The following SAP30 variants were observed in gnomAD, a reference collection of about 807,000 sequenced individuals.
The protein encoded by SAP30 is histone deacetylase complex subunit SAP30.
Under a neutral mutation model 19.6 loss-of-function variants are expected in SAP30, and 13 were observed. The ratio of observed to expected loss-of-function variants is 0.66; its 90% CI spans 0.43 to 1.05. The LOEUF is 1.05. SAP30 is among the 50% of genes least tolerant of loss of function. The pLI is 0.00. For missense variants in SAP30, 257 were observed against 292.1 expected (o/e 0.88, Z 0.88); for synonymous variants, 108 against 122.7 (o/e 0.88, Z 0.79).
Position 173,371,482 on chromosome 4 carries a change from C to G in SAP30, c.300C>G (p.Ile100Met). The change falls in exon 1 of 4, where the codon ATC becomes ATG. Residue 100 changes from isoleucine (I) to methionine (M), a missense_variant. Ile to Met is a conservative substitution (Grantham distance 10, BLOSUM62 1). Transcript: ENST00000296504. This position sits in a 1 kb window ranked among gnomAD's most constrained non-coding sequence, Gnocchi z 6.4. ...QKSISQKKVKIELDKSARHLY... is the reference protein window; with the variant it reads ...QKSISQKKVKMELDKSARHLY... ...GCATCTCCCAGAAGAAGGTGAAGAT[C>G]GAGCTGGATAAGAGCGTAAGTAAAC... 1 of 1,587,240 alleles carries G rather than the reference C, an allele frequency of 6.3e-7. No individual in the cohort carries two copies. Among genetic ancestry groups the G allele is most frequent in the Non-Finnish European group, 8.5e-7 (1 of 1,172,678 alleles).
rs1246792526 is a variant in SAP30, at chr4:173,373,448, G to A, written c.374G>A (p.Arg125Lys). ...HKNLIQSVRN[R>K]RKRKGSDDDG... is the part of the protein sequence containing the mutation. ...AACTTAATTCAGAGTGTTCGAAACA[G>A]AAGAAAGAGAAAAGGGAGTGATGAT... Residue 125 changes from arginine to lysine, a missense_variant, in exon 2 of 4, where the codon AGA (arginine) becomes AAA (lysine). Transcript: ENST00000296504. 2.5e-6 allele frequency: 4 copies of A among 1,612,862 alleles called. No homozygotes were observed. The highest frequency in any genetic ancestry group is 2.2e-5 in the East Asian group (1 of 44,812).
At chr4:173,376,278 A>C (rs1454335305) in intron 3 of SAP30, among the ~76,000 whole-genome samples, 4 of 152,238 alleles carry the variant, frequency 2.6e-5, no homozygotes, top group Non-Finnish European at 5.9e-5. Context: ...AAAGCAAGGA[A>C]GCAGGTAAAC....
At chr4:173,375,946 T>C (rs181750988) in intron 3 of SAP30, among the ~76,000 whole-genome samples, 4 of 152,290 alleles carry the variant, frequency 2.6e-5, no homozygotes, top group African/African-American at 9.6e-5. Flanking sequence ...GGGATCTAGA[T>C]TGTATGCTTG....
At position 173,371,074 on chromosome 4, in the gene SAP30, GCTGT is replaced by G. The variant is rs927313651; in HGVS notation, c.-106_-103del. ...GGGACAGTTGGTGTTTGGCCGTGCCGCTGTCTAACTTGGTGTGCAGAGTGAATTG... is the reference window on the plus strand; with the variant it reads ...GGGACAGTTGGTGTTTGGCCGTGCCGCTAACTTGGTGTGCAGAGTGAATTG... On this transcript the variant is annotated 5_prime_UTR_variant, in exon 1 of 4. Coordinates refer to ENST00000296504, the MANE Select transcript of SAP30 (RefSeq NM_003864.4). The surrounding 1 kb of genome is among the most constrained non-coding windows in gnomAD (Gnocchi z 6.4). The G allele has an allele frequency of 2.3e-4, 283 of 1,248,208 alleles. 1 individual carries two copies. The highest frequency in any genetic ancestry group is 2.2e-3 in the Middle Eastern group (7 of 3,120). The allele number at this position is 1,248,208 out of a possible 1,614,324, so 77.3% of individuals were successfully genotyped here. A position where few individuals can be genotyped will look rare whatever the true frequency, so the allele number is the denominator to read the frequency against.
In SAP30 at chr4:173,371,073, C is replaced by A; in HGVS notation, c.-110C>A. On this transcript the variant is annotated 5_prime_UTR_variant, in exon 1 of 4. Coordinates refer to ENST00000296504, the MANE Select transcript of SAP30 (RefSeq NM_003864.4). This position sits in a 1 kb window ranked among gnomAD's most constrained non-coding sequence, Gnocchi z 6.4. Reference sequence around the variant, plus strand: ...CGGGACAGTTGGTGTTTGGCCGTGCCGCTGTCTAACTTGGTGTGCAGAGTG... The same window carrying A: ...CGGGACAGTTGGTGTTTGGCCGTGCAGCTGTCTAACTTGGTGTGCAGAGTG... 8.0e-7 allele frequency: 1 copy of A among 1,245,730 alleles called. No homozygotes were observed. Among genetic ancestry groups the A allele is most frequent in the Non-Finnish European group, 1.0e-6 (1 of 961,710 alleles). 77.2% of individuals were successfully genotyped at this position (1,245,730 alleles called of 1,614,324 possible). A position where few individuals can be genotyped will look rare whatever the true frequency, so the allele number is the denominator to read the frequency against.
Position 173,371,195 on chromosome 4 carries a change from A to T in SAP30, c.13A>T (p.Thr5Ser). Reference protein sequence around the residue: MNGFTPDEMSRGGDA... With the variant: MNGFSPDEMSRGGDA... ...GGAGCTCGGAGACATGAACGGCTTC[A>T]CGCCTGACGAGATGAGCCGCGGCGG... The change falls in exon 1 of 4, where the codon ACG (threonine) becomes TCG (serine). Residue 5 changes from threonine to serine, a missense_variant. By Grantham distance (58) the Thr-to-Ser change is moderately conservative (BLOSUM62 1). Transcript: ENST00000296504. The surrounding 1 kb of genome is among the most constrained non-coding windows in gnomAD (Gnocchi z 6.4). 6.8e-7 allele frequency: 1 copy of T among 1,469,454 alleles called. No homozygotes were observed. The highest frequency in any genetic ancestry group is 2.5e-4 in the Middle Eastern group (1 of 3,992). 91.0% of individuals were successfully genotyped at this position (1,469,454 alleles called of 1,614,324 possible).
intron 3 of SAP30, among the ~76,000 whole-genome samples, chr4:173,375,340 TA>T (rs1220136503): frequency 6.6e-6 from 1 of 152,186 alleles, no homozygotes; most frequent in Non-Finnish European, 1.5e-5. Flanking sequence ...ATATATTAAC[TA>T]TTTAGCTAAA....
intron 1 of SAP30, among the ~76,000 whole-genome samples, chr4:173,372,893 C>T (rs949864705): frequency 4.6e-5 from 7 of 152,248 alleles, no homozygotes; most frequent in African/African-American, 1.7e-4. Context: ...AGTGATTCTC[C>T]TGCCATAGCC....
chr4:173,373,746 A>C (rs113792049), intron 2 of SAP30, among the ~76,000 whole-genome samples, 193 bp from the exon 3 acceptor site: 2,851 of 152,148 alleles, frequency 0.019, 88 homozygotes, highest in African/African-American at 0.065. Context: ...TTTTGACCTC[A>C]GTTTATATTA....
intron 1 of SAP30, among the ~76,000 whole-genome samples, chr4:173,372,926 G>A (rs1235826956): frequency 6.6e-6 from 1 of 152,162 alleles, no homozygotes; most frequent in Non-Finnish European, 1.5e-5. Context: ...GGGATTACAG[G>A]CTACTGCCAC....
At position 173,371,515 on chromosome 4, in the gene SAP30, C is replaced by A; in HGVS notation, c.315+18C>A. ...ATAAGAGCGTAAGTAAACCGCGGGA[C>A]CGCCCTGCCCTCCCGCCCCTCGGTG... is the stretch of plus-strand genomic sequence containing the variant. On this transcript the variant is annotated intron_variant, in intron 1 of 3. Coordinates refer to ENST00000296504, the MANE Select transcript of SAP30 (RefSeq NM_003864.4). The surrounding 1 kb of genome is among the most constrained non-coding windows in gnomAD (Gnocchi z 6.4). The A allele has an allele frequency of 6.3e-7, 1 of 1,576,830 alleles. No individual in the cohort carries two copies. The highest frequency in any genetic ancestry group is 8.6e-7 in the Non-Finnish European group (1 of 1,165,940).
intron 3 of SAP30, 102 bp downstream of exon 3, chr4:173,374,139 TAGAA>T (rs1011477645): frequency 2.7e-5 from 15 of 561,778 alleles, no homozygotes; most frequent in African/African-American, 1.9e-4. Flanking sequence ...ACATTTTAAT[TAGAA>T]AGAACAAAGT....
chr4:173,376,968 C>T (rs988991666), intron 3 of SAP30, among the ~76,000 whole-genome samples: 2 of 152,064 alleles, frequency 1.3e-5, no homozygotes, highest in African/African-American at 4.8e-5. Context: ...ATTTTCTAAT[C>T]AATGTATATT....
At chr4:173,373,639 A>G (rs1738988966) in intron 2 of SAP30, 124 bp downstream of exon 2, 1 of 993,092 alleles carries the variant, frequency 1.0e-6, no homozygotes, top group Non-Finnish European at 1.4e-6. Context: ...TGAAAGCAAA[A>G]TTAAATATAG....
chr4:173,374,792 T>C (rs947036964), intron 3 of SAP30, among the ~76,000 whole-genome samples: 1 of 152,106 alleles, frequency 6.6e-6, no homozygotes, highest in African/African-American at 2.4e-5. Context: ...TTTGCTGACT[T>C]AACTATTTCA....
In SAP30 at chr4:173,373,398, T is replaced by A; in HGVS notation, c.324T>A (p.His108Gln). The change falls in exon 2 of 4, where the codon CAT becomes CAA. Residue 108 changes from histidine (H) to glutamine (Q), a missense_variant. Coordinates refer to ENST00000296504, the MANE Select transcript of SAP30 (RefSeq NM_003864.4). Reference sequence around the variant, plus strand: ...AAACTTTTCTGTTTCAGGCAAGGCATCTTTACATATGTGATTATCATAAAA... The same window carrying A: ...AAACTTTTCTGTTTCAGGCAAGGCAACTTTACATATGTGATTATCATAAAA... Reference protein sequence around the residue: ...VKIELDKSARHLYICDYHKNL... With the variant: ...VKIELDKSARQLYICDYHKNL... The A allele has an allele frequency of 6.2e-7, 1 of 1,600,968 alleles. No homozygotes were observed. Among genetic ancestry groups the A allele is most frequent in the South Asian group, 1.1e-5 (1 of 89,076 alleles).
Position 173,371,170 on chromosome 4 carries a change from G to A in SAP30, c.-13G>A. On this transcript the variant is annotated 5_prime_UTR_variant, in exon 1 of 4. Transcript: ENST00000296504. This position sits in a 1 kb window ranked among gnomAD's most constrained non-coding sequence, Gnocchi z 6.4. ...GGGATTTCTGTCAGCGCCGGCCTCGGGAGCTCGGAGACATGAACGGCTTCA... is the reference window on the plus strand; with the variant it reads ...GGGATTTCTGTCAGCGCCGGCCTCGAGAGCTCGGAGACATGAACGGCTTCA... The A allele has an allele frequency of 1.3e-6, 2 of 1,490,254 alleles. No individual in the cohort carries two copies. Among genetic ancestry groups the A allele is most frequent in the Non-Finnish European group, 1.8e-6 (2 of 1,127,850 alleles). The allele number at this position is 1,490,254 out of a possible 1,614,324, so 92.3% of individuals were successfully genotyped here.
intron 3 of SAP30, among the ~76,000 whole-genome samples, chr4:173,374,246 G>A (rs1282282718): frequency 6.6e-6 from 1 of 152,168 alleles, no homozygotes; most frequent in Non-Finnish European, 1.5e-5. Flanking sequence ...AGTAGATTGT[G>A]TACAGCACCT....
rs192989354 is a variant in SAP30, at chr4:173,373,959, A to G, written c.462A>G (p.Gln154=). 5.7e-6 allele frequency: 9 copies of G among 1,575,784 alleles called. No individual in the cohort carries two copies. Among genetic ancestry groups the G allele is most frequent in the Non-Finnish European group, 6.0e-6 (7 of 1,158,410 alleles). The stretch of plus-strand genomic sequence containing the variant: ...TCTAGGTTGATTTATACCAATTACA[A>G]GTAAATACACTTAGGAGATACAAAA... ...DTPEVDLYQL[Q]VNTLRRYKRH... is the part of the protein sequence containing the mutation. Residue 154 remains glutamine (Q), a synonymous_variant, in exon 3 of 4, where the codon CAA becomes CAG. Transcript: ENST00000296504.
Sources: gnomAD v4.1 joint callset for allele counts (sites outside exome capture counted in the v4.1 genomes callset) on GRCh38, gnomAD v4.1.1 for gene constraint, Gnocchi (gnomAD v3.1) non-coding constraint, MANE v1.5 for transcripts, NCBI Gene and HGNC (gene_info 2026-07-23, HGNC 2026-07-21) for gene names.